Variants in RASSF8 observed in about 807,000 individuals in gnomAD.
RASSF8 encodes the protein Ras association domain family member 8, also known as ras association domain-containing protein 8.
In RASSF8, 22 loss-of-function variants were observed where a neutral mutation model predicts 48.5. The ratio of observed to expected loss-of-function variants is 0.45; its 90% CI spans 0.32 to 0.65. The LOEUF (loss-of-function observed/expected upper bound fraction) is 0.65, where lower values mean the gene tolerates loss of function less well. Ranked by LOEUF, RASSF8 falls within the 30% of genes least tolerant of loss-of-function variation. RASSF8 has a pLI of 0.03. For missense variants in RASSF8, 418 were observed against 489.2 expected, an observed-to-expected ratio of 0.85 and a Z score of 1.37; for synonymous variants, 127 against 171.5, an observed-to-expected ratio of 0.74 and a Z score of 2.03.
At chr12:26,014,948 G>A (rs1942611795) in intron 2 of RASSF8, among the ~76,000 whole-genome samples, 1 of 152,122 alleles carries the variant, frequency 6.6e-6, no homozygotes, top group East Asian at 1.9e-4. Flanking sequence ...GCTCACGCCT[G>A]TAATCCCAGC....
At chr12:25,993,748 C>T (rs1942067211) in intron 1 of RASSF8, among the ~76,000 whole-genome samples, 1 of 152,002 alleles carries the variant, frequency 6.6e-6, no homozygotes, top group Admixed American at 6.6e-5. Context: ...TACTTGAAGC[C>T]AGAAGACTCT....
intron 1 of RASSF8, among the ~76,000 whole-genome samples, chr12:25,986,006 T>C (rs1941864926): frequency 6.6e-6 from 1 of 152,198 alleles, no homozygotes; most frequent in Non-Finnish European, 1.5e-5. Flanking sequence ...CTTTGAACAG[T>C]GGCTTGGCCC....
At chr12:26,061,458 A>G (rs1466428382) in intron 3 of RASSF8, among the ~76,000 whole-genome samples, 4 of 152,164 alleles carry the variant, frequency 2.6e-5, no homozygotes, top group Non-Finnish European at 5.9e-5. Context: ...ATTTAAAAGT[A>G]TAATTAATAT....
intron 2 of RASSF8, among the ~76,000 whole-genome samples, chr12:26,005,706 AT>A (rs1358200827): frequency 1.3e-5 from 2 of 152,236 alleles, no homozygotes; most frequent in African/African-American, 4.8e-5. Flanking sequence ...TAAGGTTCAT[AT>A]CAGATGGGAA....
At chr12:25,984,684 G>A (rs886852438) in intron 1 of RASSF8, among the ~76,000 whole-genome samples, 2 of 152,170 alleles carry the variant, frequency 1.3e-5, no homozygotes, top group Non-Finnish European at 2.9e-5. Context: ...AAATTAAGGA[G>A]AATTGTTGTT....
chr12:26,041,642 C>T lies in RASSF8; in HGVS notation c.-108-13594C>T, dbSNP rs948430009. ...CTACATACATAAATATATATATATACACACACATACACATATATCTACATA... is the reference window on the plus strand; with the variant it reads ...CTACATACATAAATATATATATATATACACACATACACATATATCTACATA... On this transcript the variant is annotated intron_variant, in intron 2 of 5. Transcript: ENST00000689635. 4.6e-5 allele frequency among the ~76,000 whole-genome samples: 7 copies of T among 151,716 alleles called. No individual in the cohort carries two copies. In the South Asian group the frequency reaches 1.0e-3, roughly 23 times the overall value.
chr12:26,036,923 TAAAA>T (rs1045165032), intron 2 of RASSF8, among the ~76,000 whole-genome samples: 2 of 134,424 alleles, frequency 1.5e-5, no homozygotes, highest in Non-Finnish European at 1.6e-5. Context: ...CACAAAAAAA[TAAAA>T]AAAAAACAAA....
chr12:25,962,623 C>CTATGT (rs756879051), intron 1 of RASSF8, among the ~76,000 whole-genome samples: 20 of 151,748 alleles, frequency 1.3e-4, no homozygotes, highest in Non-Finnish European at 2.6e-4. Flanking sequence ...TGGAGTCTTA[C>CTATGT]TATGTTGCCC....
intron 4 of RASSF8, among the ~76,000 whole-genome samples, chr12:26,065,612 C>T (rs1050055523): frequency 6.6e-6 from 1 of 152,118 alleles, no homozygotes; most frequent in African/African-American, 2.4e-5. Flanking sequence ...ACAGTTGTAG[C>T]GTTAGATAAT....
intron 3 of RASSF8, among the ~76,000 whole-genome samples, chr12:26,063,752 A>G (rs932340148): frequency 2.0e-5 from 3 of 150,532 alleles, no homozygotes; most frequent in African/African-American, 7.3e-5. Context: ...TTTTTTTTAG[A>G]AGAAGAATCT....
At chr12:25,973,081 C>T (rs894817095) in intron 1 of RASSF8, among the ~76,000 whole-genome samples, 1 of 151,946 alleles carries the variant, frequency 6.6e-6, no homozygotes, top group Admixed American at 6.6e-5. Context: ...ACTCTGTTGT[C>T]CAGGCTGGAG....
rs147047249 is a variant in RASSF8 at position 26,065,291 on chromosome 12, A to G, written c.897A>G (p.Lys299=). 7.7e-5 allele frequency: 124 copies of G among 1,614,146 alleles called. No homozygotes were observed. The African/African-American group carries it at 9.2e-4, about 12-fold the overall frequency. The change falls in exon 4 of 6, where the codon AAA becomes AAG. Residue 299 remains lysine (K), a synonymous_variant. Transcript: ENST00000689635. ...TTAAAGGAAAGATCGGTAAGGTCAAAGGGGAGATTGACATTCAAGGCCAGC... is the reference window on the plus strand; with the variant it reads ...TTAAAGGAAAGATCGGTAAGGTCAAGGGGGAGATTGACATTCAAGGCCAGC... ...EEVKGKIGKV[K]GEIDIQGQQS...
At chr12:25,996,232 ATTTT>A (rs1159701379) in intron 2 of RASSF8, among the ~76,000 whole-genome samples, 28 of 152,206 alleles carry the variant, frequency 1.8e-4, no homozygotes, top group African/African-American at 6.3e-4. Flanking sequence ...TTCAGACCCT[ATTTT>A]TAAGGCCTTG....
intron 2 of RASSF8, among the ~76,000 whole-genome samples, chr12:26,033,482 A>T (rs1943070478): frequency 6.6e-6 from 1 of 152,154 alleles, no homozygotes; most frequent in Admixed American, 6.5e-5. Flanking sequence ...TTCATGCTAA[A>T]AGCACATTAG....
exon 6 of RASSF8, chr12:26,079,192 T>C: frequency 3.1e-6 from 2 of 642,874 alleles, no homozygotes; most frequent in Non-Finnish European, 2.5e-6. Flanking sequence ...GACTGTAGAT[T>C]GGGAGAAAAT....
chr12:26,020,674 TA>T (rs199835280), intron 2 of RASSF8, among the ~76,000 whole-genome samples: 1 of 151,596 alleles, frequency 6.6e-6, no homozygotes, highest in Non-Finnish European at 1.5e-5. Context: ...TATTTAAGTT[TA>T]AAAAAAAGAC....
intron 1 of RASSF8, among the ~76,000 whole-genome samples, chr12:25,980,403 G>A (rs1275547795): frequency 6.6e-6 from 1 of 152,188 alleles, no homozygotes; most frequent in Non-Finnish European, 1.5e-5. Flanking sequence ...TAACTGCTAT[G>A]TTTTCTGCAT....
intron 1 of RASSF8, among the ~76,000 whole-genome samples, chr12:25,993,236 T>C (rs901911701): frequency 6.6e-6 from 1 of 152,220 alleles, no homozygotes; most frequent in African/African-American, 2.4e-5. Flanking sequence ...TCTCTGCATA[T>C]ATGTTAGTGT....
At position 26,068,773 on chromosome 12, in the gene RASSF8, G is replaced by A. The variant is rs898839775; in HGVS notation, c.1215G>A (p.Gln405=). ...RQLPSNLRIL[Q]NPISSGFNPE... ...TCCCCAGTAATCTCCGCATTCTGCA[G>A]AATCCTATCTCATCTGGTTTTAATC... Residue 405 remains glutamine, a synonymous_variant, in exon 6 of 6, where the codon CAG becomes CAA. Coordinates refer to ENST00000689635, the MANE Select transcript of RASSF8 (RefSeq NM_001394098.1). 9 of 1,537,112 alleles carry A rather than the reference G, an allele frequency of 5.9e-6. No individual in the cohort carries two copies. The African/African-American group carries it at 1.2e-4, about 21-fold the overall frequency.
Sources: gnomAD v4.1 joint callset for allele counts (sites outside exome capture counted in the v4.1 genomes callset) on GRCh38, gnomAD v4.1.1 for gene constraint, MANE v1.5 for transcripts, NCBI Gene and HGNC (gene_info 2026-07-23, HGNC 2026-07-21) for gene names.